PDE4B: variants seen among roughly 807,000 people sequenced by gnomAD.
PDE4B encodes the protein 3',5'-cyclic-AMP phosphodiesterase 4B.
A neutral mutation model predicts 82.2 loss-of-function variants in PDE4B; 20 were observed. The observed-to-expected ratio is 0.24, with a 90% CI of 0.17 to 0.35. The LOEUF (loss-of-function observed/expected upper bound fraction) is 0.35. Among genes scored for constraint, PDE4B ranks in the 10% least tolerant of loss-of-function variants. The pLI, the probability that PDE4B is intolerant of heterozygous loss-of-function variation, is 1.00. For synonymous variants in PDE4B, 320 were observed against 318.9 expected, an observed-to-expected ratio of 1.00 and a Z score of -0.04; for missense variants, 655 against 907.2, an observed-to-expected ratio of 0.72 and a Z score of 3.57.
chr1:65,835,933 A>ATATATT (rs1646134298), intron 1 of PDE4B, among the ~76,000 whole-genome samples: 1 of 150,730 alleles, frequency 6.6e-6, no homozygotes, highest in Non-Finnish European at 1.5e-5. Flanking sequence ...TTTTTTATTT[A>ATATATT]TATATTTTTA....
At chr1:66,035,410 G>A (rs986707960) in intron 3 of PDE4B, among the ~76,000 whole-genome samples, 2 of 152,016 alleles carry the variant, frequency 1.3e-5, no homozygotes, top group African/African-American at 4.8e-5. Flanking sequence ...CTGTGCAATG[G>A]AACACCAGAA....
At chr1:66,016,287 C>G (rs886903548) in intron 3 of PDE4B, among the ~76,000 whole-genome samples, 2 of 152,118 alleles carry the variant, frequency 1.3e-5, no homozygotes, top group Admixed American at 6.5e-5. Flanking sequence ...AATTCAGTCT[C>G]AAAGGTTAGA....
At chr1:66,031,924 C>T (rs1045446011) in intron 3 of PDE4B, among the ~76,000 whole-genome samples, 14 of 152,262 alleles carry the variant, frequency 9.2e-5, no homozygotes, top group Admixed American at 4.6e-4. Flanking sequence ...CCATCCTCTC[C>T]GGTGACCCCA....
chr1:66,127,166 C>A (rs1645841441), intron 3 of PDE4B, among the ~76,000 whole-genome samples: 1 of 151,432 alleles, frequency 6.6e-6, no homozygotes, highest in Admixed American at 6.6e-5. Context: ...ATGACAATTC[C>A]TTAGTTTTTA....
chr1:66,307,247 A>G (rs1177440093), intron 7 of PDE4B, among the ~76,000 whole-genome samples: 1 of 152,194 alleles, frequency 6.6e-6, no homozygotes, highest in Non-Finnish European at 1.5e-5. Context: ...GGCCTAAAGA[A>G]AAGCTTTCAG....
chr1:66,361,844 C>G, intron 10 of PDE4B, 51 bp downstream of exon 10: 2 of 1,411,298 alleles, frequency 1.4e-6, no homozygotes, highest in Non-Finnish European at 2.0e-6. Flanking sequence ...TTACAGCAGA[C>G]GGATGACCGT....
intron 3 of PDE4B, among the ~76,000 whole-genome samples, chr1:65,994,131 A>G (rs1323853211): frequency 6.6e-6 from 1 of 152,172 alleles, no homozygotes; most frequent in Non-Finnish European, 1.5e-5. Context: ...TTTTGTGACT[A>G]CATGCTGGGT....
chr1:66,214,280 A>C (rs1030447872), intron 3 of PDE4B, among the ~76,000 whole-genome samples: 7 of 152,194 alleles, frequency 4.6e-5, no homozygotes, highest in African/African-American at 1.7e-4. Flanking sequence ...GTTTAAGCAA[A>C]AGGAAAGATC....
chr1:66,233,829 T>C (rs894318810), intron 3 of PDE4B, among the ~76,000 whole-genome samples: 20 of 152,216 alleles, frequency 1.3e-4, no homozygotes, highest in African/African-American at 4.6e-4. Flanking sequence ...TTGATTTTTT[T>C]TTGTCTGTTA....
chr1:66,368,637 T>C, intron 15 of PDE4B, 150 bp from the exon 16 acceptor site: 1 of 487,064 alleles, frequency 2.1e-6, no homozygotes, highest in Non-Finnish European at 3.4e-6. Context: ...ATCATTGTAA[T>C]TCCATTTTTT....
chr1:66,227,249 C>CTTTGGTACAGACCA (rs1651528531), intron 3 of PDE4B, among the ~76,000 whole-genome samples: 2 of 152,206 alleles, frequency 1.3e-5, no homozygotes, highest in Non-Finnish European at 2.9e-5. Flanking sequence ...CTAAGGGCTT[C>CTTTGGTACAGACCA]TAAGTTTGTG....
At chr1:66,179,019 T>C (rs1647002742) in intron 3 of PDE4B, among the ~76,000 whole-genome samples, 1 of 152,072 alleles carries the variant, frequency 6.6e-6, no homozygotes, top group Non-Finnish European at 1.5e-5. Flanking sequence ...GACTGGATAA[T>C]TTTTTTATTT....
chr1:65,874,771 C>T (rs558270628), intron 1 of PDE4B, among the ~76,000 whole-genome samples: 2 of 151,556 alleles, frequency 1.3e-5, no homozygotes, highest in Admixed American at 1.3e-4. Flanking sequence ...GGATCCCTTC[C>T]TTACACCTTA....
At chr1:66,179,963 C>A (rs1265796201) in intron 3 of PDE4B, among the ~76,000 whole-genome samples, 1 of 152,148 alleles carries the variant, frequency 6.6e-6, no homozygotes, top group Non-Finnish European at 1.5e-5. Flanking sequence ...CATCCCTATT[C>A]TATAGAAAGG....
At chr1:66,185,996 T>C (rs559031245) in intron 3 of PDE4B, among the ~76,000 whole-genome samples, 1 of 152,356 alleles carries the variant, frequency 6.6e-6, no homozygotes, top group African/African-American at 2.4e-5. Context: ...TTAACCCATC[T>C]TGAATTAATT....
intron 3 of PDE4B, among the ~76,000 whole-genome samples, chr1:66,032,508 ATCT>A (rs1653835477): frequency 6.6e-6 from 1 of 152,184 alleles, no homozygotes; most frequent in Non-Finnish European, 1.5e-5. Flanking sequence ...ATAATGTGTA[ATCT>A]TCTTTGACAG....
At chr1:66,075,417 T>C (rs1340124300) in intron 3 of PDE4B, among the ~76,000 whole-genome samples, 4 of 152,116 alleles carry the variant, frequency 2.6e-5, no homozygotes, top group Admixed American at 2.6e-4. Flanking sequence ...AGGAAGTATC[T>C]ATTTTTCTAA....
intron 3 of PDE4B, among the ~76,000 whole-genome samples, chr1:65,971,784 G>A (rs1650153859): frequency 6.6e-6 from 1 of 152,098 alleles, no homozygotes; most frequent in Non-Finnish European, 1.5e-5. Flanking sequence ...TGCCAAAATT[G>A]ACTAACTCCA....
At chr1:65,979,780 A>G (rs1343818505) in intron 3 of PDE4B, among the ~76,000 whole-genome samples, 1 of 152,204 alleles carries the variant, frequency 6.6e-6, no homozygotes, top group Non-Finnish European at 1.5e-5. Flanking sequence ...TCTATGCCAG[A>G]CACTGCTTTA....
Sources: allele counts gnomAD v4.1 joint callset (sites outside exome capture counted in the v4.1 genomes callset), GRCh38; gene constraint gnomAD v4.1.1; transcripts MANE v1.5; gene names NCBI Gene and HGNC (gene_info 2026-07-23, HGNC 2026-07-21).